Variants in FAM227B observed in about 807,000 individuals in gnomAD.
FAM227B encodes the protein family with sequence similarity 227 member B.
FAM227B carries 88 observed loss-of-function variants against 73.8 expected under a neutral mutation model. The ratio of observed to expected loss-of-function variants is 1.19; its 90% CI spans 1.00 to 1.42. The LOEUF (loss-of-function observed/expected upper bound fraction) is 1.42, where lower values mean the gene tolerates loss of function less well. Ranked by LOEUF, FAM227B falls within the 40% of genes most tolerant of loss-of-function variation. FAM227B has a pLI of 0.00. For synonymous variants in FAM227B, 210 were observed against 190.5 expected, an observed-to-expected ratio of 1.10 and a Z score of -0.84; for missense variants, 632 against 590.9, an observed-to-expected ratio of 1.07 and a Z score of -0.72.
intron 9 of FAM227B, among the ~76,000 whole-genome samples, chr15:49,555,159 TG>T (rs1242182310): frequency 6.6e-6 from 1 of 152,238 alleles, no homozygotes; most frequent in Non-Finnish European, 1.5e-5. Flanking sequence ...TTTATGTGAT[TG>T]CTTTATAATG....
chr15:49,414,961 C>G (rs1216827403), intron 11 of FAM227B, among the ~76,000 whole-genome samples: 1 of 152,144 alleles, frequency 6.6e-6, no homozygotes, highest in African/African-American at 2.4e-5. Context: ...CAGTTTTACA[C>G]AAATACAAAT....
chr15:49,604,370 T>C (rs1007277448), intron 3 of FAM227B, among the ~76,000 whole-genome samples: 6 of 152,094 alleles, frequency 3.9e-5, no homozygotes, highest in Admixed American at 6.5e-5. Flanking sequence ...CAACACTTCG[T>C]TATCATCCCA....
chr15:49,605,507 G>A (rs1047537970), intron 3 of FAM227B, among the ~76,000 whole-genome samples: 1 of 152,200 alleles, frequency 6.6e-6, no homozygotes, highest in Non-Finnish European at 1.5e-5. Flanking sequence ...TGACACTGAA[G>A]TGGGGGTTGG....
At chr15:49,476,171 A>C (rs4614670) in intron 11 of FAM227B, among the ~76,000 whole-genome samples, 50,322 of 147,596 alleles carry the variant, frequency 0.34, 9,420 homozygotes, top group African/African-American at 0.49. Context: ...TCCGTTGACC[A>C]CTTGACCACT....
At chr15:49,438,502 A>G (rs959794176) in intron 11 of FAM227B, among the ~76,000 whole-genome samples, 4 of 151,730 alleles carry the variant, frequency 2.6e-5, no homozygotes, top group African/African-American at 7.2e-5. Flanking sequence ...AAAATTCACC[A>G]AAGAGTTATC....
chr15:49,584,349 T>C (rs892442018), intron 5 of FAM227B, among the ~76,000 whole-genome samples: 2 of 152,206 alleles, frequency 1.3e-5, no homozygotes, highest in Non-Finnish European at 2.9e-5. Context: ...AAACTACATA[T>C]TGAAGGTACA....
At chr15:49,448,986 T>C (rs1039335687) in intron 11 of FAM227B, among the ~76,000 whole-genome samples, 1 of 151,994 alleles carries the variant, frequency 6.6e-6, no homozygotes, top group African/African-American at 2.4e-5. Flanking sequence ...AATATGGATA[T>C]GCCACTAAAA....
rs2072652199 is a variant in FAM227B, at chr15:49,550,084, ACGGGGGCGGCTGGCCGGG to A, written c.748-8296_748-8279del. ...GCTGATCCCCCCACCTCCCTCCTGG[ACGGGGGCGGCTGGCCGGG>A]CAGGGGGCTGACCCCCCCACCTCCC... On this transcript the variant is annotated intron_variant, in intron 9 of 15. Transcript: ENST00000299338. Among the ~76,000 whole-genome samples, 11 of 99,788 alleles carry A rather than the reference ACGGGGGCGGCTGGCCGGG, an allele frequency of 1.1e-4. 1 individual carries two copies. The highest frequency in any genetic ancestry group is 3.6e-4 in the East Asian group (1 of 2,808). 65.5% of individuals were successfully genotyped at this position (99,788 alleles called of 152,430 possible).
chr15:49,545,229 A>G (rs1598078751), intron 9 of FAM227B, among the ~76,000 whole-genome samples: 1 of 152,232 alleles, frequency 6.6e-6, no homozygotes, highest in East Asian at 1.9e-4. Flanking sequence ...AACCTAGGAC[A>G]GTTGTATATT....
intron 8 of FAM227B, among the ~76,000 whole-genome samples, chr15:49,573,643 T>C (rs1166495718): frequency 6.6e-6 from 1 of 152,180 alleles, no homozygotes; most frequent in Non-Finnish European, 1.5e-5. Flanking sequence ...AAAAAGGCCT[T>C]CACCACATGC....
chr15:49,548,605 GTTC>G, intron 9 of FAM227B, among the ~76,000 whole-genome samples: 1 of 152,248 alleles, frequency 6.6e-6, no homozygotes, highest in African/African-American at 2.4e-5. Flanking sequence ...ATTGGTATTA[GTTC>G]TTCTTTGAAT....
At chr15:49,380,767 T>G (rs2046474434) in intron 11 of FAM227B, among the ~76,000 whole-genome samples, 1 of 152,144 alleles carries the variant, frequency 6.6e-6, no homozygotes, top group Non-Finnish European at 1.5e-5. Context: ...TTGAGCTACT[T>G]AACTCCTCTG....
At chr15:49,490,277 C>T (rs2056974086) in intron 11 of FAM227B, among the ~76,000 whole-genome samples, 1 of 151,808 alleles carries the variant, frequency 6.6e-6, no homozygotes, top group South Asian at 2.1e-4. Context: ...ATTGTTTTTG[C>T]ATCAGAATGA....
Position 49,589,770 on chromosome 15 carries a change from G to T in FAM227B, c.337+6C>A. 5.3e-6 allele frequency: 8 copies of T among 1,500,116 alleles called. No homozygotes were observed. The highest frequency in any genetic ancestry group is 7.4e-6 in the Non-Finnish European group (8 of 1,079,514). 92.9% of individuals were successfully genotyped at this position (1,500,116 alleles called of 1,614,324 possible). On this transcript the variant is annotated splice_donor_region_variant and intron_variant, in intron 4 of 15. Coordinates refer to ENST00000299338, the MANE Select transcript of FAM227B (RefSeq NM_152647.3). ...TCTATAAAAGATAAAAATAAATAAG[G>T]CTCACTTGTCTCAGAAATCATGCTT...
Position 49,484,458 on chromosome 15 carries a change from A to C in FAM227B, c.1012+23753T>G. The C allele has an allele frequency of 6.3e-7, 1 of 1,580,968 alleles. No homozygotes were observed. The highest frequency in any genetic ancestry group is 8.5e-7 in the Non-Finnish European group (1 of 1,173,536). On this transcript the variant is annotated intron_variant, in intron 11 of 15. Transcript: ENST00000299338. ...ATTCCTGTAAGAGGAAAAAAAACGA[A>C]GAAAGAACAAAAAACAGCCCACTTT...
intron 12 of FAM227B, among the ~76,000 whole-genome samples, chr15:49,370,959 T>A (rs1401616671): frequency 3.3e-5 from 5 of 152,206 alleles, no homozygotes; most frequent in African/African-American, 1.2e-4. Flanking sequence ...CTTTGAAGTT[T>A]TGCCTGCAGC....
chr15:49,387,497 T>C (rs1214315432), intron 11 of FAM227B, among the ~76,000 whole-genome samples: 1 of 151,790 alleles, frequency 6.6e-6, no homozygotes, highest in Non-Finnish European at 1.5e-5. Flanking sequence ...ATAAAATCCA[T>C]ATATGACAAA....
chr15:49,417,711 A>G (rs2049314777), intron 11 of FAM227B, among the ~76,000 whole-genome samples: 3 of 152,244 alleles, frequency 2.0e-5, no homozygotes, highest in African/African-American at 7.2e-5. Context: ...TTAAAACTAT[A>G]AAAACCCTGG....
At chr15:49,422,650 C>T (rs1447937058) in intron 11 of FAM227B, 4 of 1,110,996 alleles carry the variant, frequency 3.6e-6, no homozygotes, top group African/African-American at 1.5e-5. Context: ...AGGTAACTTG[C>T]CCGAAGTCAT....
Sources: gnomAD v4.1 joint callset for allele counts (sites outside exome capture counted in the v4.1 genomes callset) on GRCh38, gnomAD v4.1.1 for gene constraint, MANE v1.5 for transcripts, NCBI Gene and HGNC (gene_info 2026-07-23, HGNC 2026-07-21) for gene names.